Variants in MRTFA observed in about 807,000 individuals in gnomAD.
The protein encoded by MRTFA is myocardin-related transcription factor A.
Under a neutral mutation model 83.5 loss-of-function variants are expected in MRTFA, and 20 were observed. The observed-to-expected ratio is 0.24, with a 90% CI of 0.17 to 0.35. The LOEUF is 0.35. Ranked by LOEUF, MRTFA falls within the 10% of genes least tolerant of loss-of-function variation. The pLI, the probability that MRTFA is intolerant of heterozygous loss-of-function variation, is 1.00. For missense variants in MRTFA, 1,200 were observed against 1,224.7 expected (o/e 0.98, Z 0.30); for synonymous variants, 659 against 541.2 (o/e 1.22, Z -3.02).
At position 40,417,328 on chromosome 22, in the gene MRTFA, C is replaced by G; in HGVS notation, c.2517+13G>C. The G allele has an allele frequency of 1.2e-6, 2 of 1,608,970 alleles. No individual in the cohort carries two copies. Among genetic ancestry groups the G allele is most frequent in the African/African-American group, 1.3e-5 (1 of 74,964 alleles). On this transcript the variant is annotated intron_variant, in intron 13 of 14. Transcript: ENST00000355630. ...GCTGCCAACACTAGCCAGGCCTAGC[C>G]CGCCTTCCTCACCTGCTGTTTGGGC... is the stretch of plus-strand genomic sequence containing the variant.
intron 3 of MRTFA, chr22:40,533,713 G>A: frequency 2.2e-6 from 2 of 894,962 alleles, no homozygotes. Context: ...TGTCTTGAAA[G>A]CTTTCACAAA....
intron 3 of MRTFA, among the ~76,000 whole-genome samples, chr22:40,508,721 A>G (rs186708681): frequency 7.8e-4 from 118 of 150,810 alleles, no homozygotes; most frequent in African/African-American, 2.8e-3. Flanking sequence ...TTTGCAAAGT[A>G]AGAGTCTGGC....
chr22:40,581,402 C>CA (rs555949544), intron 2 of MRTFA, among the ~76,000 whole-genome samples: 100 of 152,270 alleles, frequency 6.6e-4, no homozygotes, highest in African/African-American at 2.3e-3. Context: ...ATCACCTTCA[C>CA]AAAATCTTGC....
At chr22:40,631,908 A>G (rs2056645916) in intron 1 of MRTFA, among the ~76,000 whole-genome samples, 1 of 151,846 alleles carries the variant, frequency 6.6e-6, no homozygotes, top group Non-Finnish European at 1.5e-5. Context: ...TCTTTTCAAC[A>G]TTTTCTACTT....
intron 2 of MRTFA, chr22:40,586,929 G>T: frequency 2.3e-6 from 1 of 441,582 alleles, no homozygotes; most frequent in Admixed American, 2.5e-5. Flanking sequence ...TGCTGGTGCT[G>T]CTGCTGCTGC....
intron 3 of MRTFA, among the ~76,000 whole-genome samples, chr22:40,465,492 G>A (rs1375728078): frequency 2.6e-5 from 4 of 152,176 alleles, no homozygotes; most frequent in East Asian, 1.9e-4. Context: ...CACGTACTCT[G>A]TGCCAGACAC....
intron 1 of MRTFA, among the ~76,000 whole-genome samples, chr22:40,598,071 C>T (rs1393488046): frequency 2.0e-5 from 3 of 152,128 alleles, no homozygotes; most frequent in Non-Finnish European, 4.4e-5. Context: ...AAAAAGTCAA[C>T]TCCTAAATAG....
At chr22:40,601,937 C>T (rs1251247980) in intron 1 of MRTFA, among the ~76,000 whole-genome samples, 1 of 152,166 alleles carries the variant, frequency 6.6e-6, no homozygotes, top group Non-Finnish European at 1.5e-5. Flanking sequence ...GCATCTGTTA[C>T]CAACAGTGAA....
rs577198159 is a variant in MRTFA at position 40,606,546 on chromosome 22, C to T, written c.-83-11811G>A. Among the ~76,000 whole-genome samples the T allele has an allele frequency of 4.6e-5, 7 of 152,258 alleles. No individual in the cohort carries two copies. The South Asian group carries it at 1.5e-3, about 32-fold the overall frequency. Reference sequence around the variant, plus strand: ...AGCTATTAAGTAGCTTCCATGGTCCCATATGCTTTCCATTAGACAAATGTT... The same window carrying T: ...AGCTATTAAGTAGCTTCCATGGTCCTATATGCTTTCCATTAGACAAATGTT... On this transcript the variant is annotated intron_variant, in intron 1 of 14. Transcript: ENST00000355630.
At chr22:40,554,795 C>G (rs1376696824) in intron 2 of MRTFA, among the ~76,000 whole-genome samples, 2 of 152,206 alleles carry the variant, frequency 1.3e-5, no homozygotes, top group African/African-American at 4.8e-5. Flanking sequence ...CCACTGCTCT[C>G]CAGACCCCCG....
intron 2 of MRTFA, among the ~76,000 whole-genome samples, chr22:40,577,768 G>A (rs576418634): frequency 2.0e-5 from 3 of 151,752 alleles, no homozygotes; most frequent in Admixed American, 6.6e-5. Context: ...CACCATGCCC[G>A]GCTAATTTTG....
chr22:40,586,912 G>C (rs964810291), intron 2 of MRTFA: 10 of 429,762 alleles, frequency 2.3e-5, no homozygotes, highest in Admixed American at 1.1e-4. Flanking sequence ...GGTGCTGCTG[G>C]TGCTGGTGCT....
intron 2 of MRTFA, chr22:40,569,152 T>C (rs1377901172): frequency 6.5e-6 from 1 of 153,570 alleles, no homozygotes; most frequent in Non-Finnish European, 1.5e-5. Flanking sequence ...CCAGGGACAC[T>C]GAGGCAGAAG....
intron 2 of MRTFA, among the ~76,000 whole-genome samples, chr22:40,552,859 G>A (rs2055463773): frequency 6.6e-6 from 1 of 152,200 alleles, no homozygotes; most frequent in Non-Finnish European, 1.5e-5. Flanking sequence ...ACAGGCAGAG[G>A]TTGGAACAGT....
chr22:40,425,191 C>A (rs2052927394), intron 7 of MRTFA, among the ~76,000 whole-genome samples: 1 of 152,220 alleles, frequency 6.6e-6, no homozygotes, highest in South Asian at 2.1e-4. Context: ...GAGGGCGTAG[C>A]ACAGAGCTTC....
rs2056166264 is a variant in MRTFA, at chr22:40,594,682, C to A, written c.-30G>T. The A allele has an allele frequency of 6.6e-6, 1 of 152,152 alleles. No individual in the cohort carries two copies. The highest frequency in any genetic ancestry group is 6.6e-5 in the Admixed American group (1 of 15,262). The allele number at this position is 152,152 out of a possible 1,614,324, so 9.4% of individuals were successfully genotyped here. On this transcript the variant is annotated 5_prime_UTR_variant, in exon 2 of 15. Coordinates refer to ENST00000355630, the MANE Select transcript of MRTFA (RefSeq NM_020831.6). ...ATAAATCTGGGACCTACCTTGCTTA[C>A]AATTCCCACAGACAGATGAAATTCA... is the stretch of plus-strand genomic sequence containing the variant.
At chr22:40,592,630 A>G (rs1215015937) in intron 2 of MRTFA, among the ~76,000 whole-genome samples, 2 of 152,066 alleles carry the variant, frequency 1.3e-5, no homozygotes, top group African/African-American at 2.4e-5. Flanking sequence ...ATGGGACTAC[A>G]GGCACATGTC....
chr22:40,634,650 G>A (rs1165826936), intron 1 of MRTFA, among the ~76,000 whole-genome samples: 1 of 152,146 alleles, frequency 6.6e-6, no homozygotes, highest in South Asian at 2.1e-4. Flanking sequence ...GACAGCCCCA[G>A]CCCTTAGAAA....
intron 3 of MRTFA, among the ~76,000 whole-genome samples, chr22:40,469,682 TG>T (rs1569283038): frequency 1.1e-4 from 16 of 152,068 alleles, no homozygotes. Context: ...CAAGCACACA[TG>T]GAACACTCCC....
Sources: allele counts gnomAD v4.1 joint callset (sites outside exome capture counted in the v4.1 genomes callset), GRCh38; gene constraint gnomAD v4.1.1; transcripts MANE v1.5; gene names NCBI Gene and HGNC (gene_info 2026-07-23, HGNC 2026-07-21).